The following PPM1H variants were observed in gnomAD, a reference collection of about 807,000 sequenced individuals.
PPM1H encodes the protein protein phosphatase, Mg2+/Mn2+ dependent 1H.
In PPM1H, 27 loss-of-function variants were observed where a neutral mutation model predicts 54.9. The ratio of observed to expected loss-of-function variants is 0.49; its 90% CI spans 0.36 to 0.68. The LOEUF is 0.68. Ranked by LOEUF, PPM1H falls within the 30% of genes least tolerant of loss-of-function variation. The pLI, the probability that PPM1H is intolerant of heterozygous loss-of-function variation, is 0.00. For synonymous variants in PPM1H, 305 were observed against 270.8 expected (o/e 1.13, Z -1.24); for missense variants, 596 against 667.8 (o/e 0.89, Z 1.19).
chr12:62,817,116 T>TAAAAAAAAAAAAAAAGAAAAA (rs2076870636), intron 2 of PPM1H, among the ~76,000 whole-genome samples: 6 of 41,786 alleles, frequency 1.4e-4, no homozygotes, highest in African/African-American at 4.9e-4. Flanking sequence ...ACTGCATTAC[T>TAAAAAAAAAAAAAAAGAAAAA]AAAAAAAAAA....
At chr12:62,715,358 AC>A (rs1711776771) in intron 6 of PPM1H, among the ~76,000 whole-genome samples, 2 of 151,230 alleles carry the variant, frequency 1.3e-5, no homozygotes, top group Admixed American at 1.3e-4. Context: ...GCAAGGGAAG[AC>A]TCCATCAGGA....
chr12:62,764,778 G>A (rs934989124), intron 4 of PPM1H, among the ~76,000 whole-genome samples: 14 of 152,200 alleles, frequency 9.2e-5, no homozygotes, highest in African/African-American at 3.4e-4. Context: ...AGTCAGGGAG[G>A]TCCAGGAGGG....
chr12:62,819,111 T>C (rs565689472), intron 2 of PPM1H, among the ~76,000 whole-genome samples: 78 of 127,598 alleles, frequency 6.1e-4, no homozygotes, highest in African/African-American at 2.2e-3. Flanking sequence ...CGTGAGCCAC[T>C]GCGCCGGCCA....
intron 7 of PPM1H, among the ~76,000 whole-genome samples, chr12:62,691,806 G>A (rs1420703371): frequency 8.8e-6 from 1 of 113,422 alleles, no homozygotes; most frequent in Non-Finnish European, 1.7e-5. Context: ...CTGATGCCAT[G>A]TCTCAAAAAA....
chr12:62,809,377 A>T (rs1346620150), intron 2 of PPM1H, among the ~76,000 whole-genome samples: 1 of 152,172 alleles, frequency 6.6e-6, no homozygotes, highest in East Asian at 1.9e-4. Context: ...GGATATGAGG[A>T]TTCTCCCTTC....
At chr12:62,742,910 A>G (rs1255933902) in intron 4 of PPM1H, among the ~76,000 whole-genome samples, 1 of 152,238 alleles carries the variant, frequency 6.6e-6, no homozygotes, top group Non-Finnish European at 1.5e-5. Flanking sequence ...TTTCCTTTAA[A>G]GACTACAGCT....
chr12:62,883,485 A>AG (rs1870467841), intron 1 of PPM1H, among the ~76,000 whole-genome samples: 2 of 152,216 alleles, frequency 1.3e-5, no homozygotes, highest in South Asian at 4.1e-4. Context: ...ACCTCAAAGC[A>AG]GGGCATGAAG....
At chr12:62,766,269 G>A (rs1449026099) in intron 4 of PPM1H, among the ~76,000 whole-genome samples, 1 of 152,088 alleles carries the variant, frequency 6.6e-6, no homozygotes, top group Non-Finnish European at 1.5e-5. Flanking sequence ...TGCTAGTTCT[G>A]GGCATCTTAA....
rs377170520 is a variant in PPM1H, at chr12:62,755,727, C to T, written c.870-18141G>A. Reference sequence around the variant, plus strand: ...TGGCCAAGGTTATCCATGACAACTCCGGTATCGTGGAAGGACTCATGAATG... The same window carrying T: ...TGGCCAAGGTTATCCATGACAACTCTGGTATCGTGGAAGGACTCATGAATG... On this transcript the variant is annotated intron_variant, in intron 4 of 9. Coordinates refer to ENST00000228705, the MANE Select transcript of PPM1H (RefSeq NM_020700.2). 50 of 720,614 alleles carry T rather than the reference C, an allele frequency of 6.9e-5. 1 individual carries two copies. The highest frequency in any genetic ancestry group is 3.4e-4 in the Middle Eastern group (1 of 2,964). The allele number at this position is 720,614 out of a possible 1,614,324, so 44.6% of individuals were successfully genotyped here. A position where few individuals can be genotyped will look rare whatever the true frequency, so the allele number is the denominator to read the frequency against.
chr12:62,703,024 T>C (rs1261618654), intron 6 of PPM1H, among the ~76,000 whole-genome samples: 1 of 152,190 alleles, frequency 6.6e-6, no homozygotes, highest in Admixed American at 6.5e-5. Context: ...AGGGCAAACA[T>C]GTCTGGGAAC....
intron 1 of PPM1H, among the ~76,000 whole-genome samples, chr12:62,862,617 G>T (rs1869641253): frequency 6.6e-6 from 1 of 152,172 alleles, no homozygotes; most frequent in Non-Finnish European, 1.5e-5. Context: ...TGAATTTGGT[G>T]TACAGCTTTA....
rs7958001 is a variant in PPM1H at position 62,891,822 on chromosome 12, C to T, written c.245+42670G>A. On this transcript the variant is annotated intron_variant, in intron 1 of 9. Transcript: ENST00000228705. The stretch of plus-strand genomic sequence containing the variant: ...CTGTTCAGATACACATCTGTGAAAG[C>T]GATCAAGAACCTATATACTGGGTGA... Among the ~76,000 whole-genome samples the T allele has an allele frequency of 4.6e-3, 695 of 152,268 alleles. 3 individuals carry two copies. Among genetic ancestry groups the T allele is most frequent in the African/African-American group, 0.015 (640 of 41,544 alleles).
chr12:62,891,944 G>A (rs1870812227), intron 1 of PPM1H, among the ~76,000 whole-genome samples: 1 of 152,114 alleles, frequency 6.6e-6, no homozygotes, highest in Non-Finnish European at 1.5e-5. Context: ...GTGCAGGCGT[G>A]TAGATAAACG....
At chr12:62,831,064 A>T (rs991253214) in intron 2 of PPM1H, among the ~76,000 whole-genome samples, 3 of 152,022 alleles carry the variant, frequency 2.0e-5, no homozygotes, top group Non-Finnish European at 4.4e-5. Flanking sequence ...CATGTTAGCC[A>T]GGATGGTCTG....
intron 1 of PPM1H, among the ~76,000 whole-genome samples, chr12:62,875,581 A>C (rs1311189405): frequency 6.6e-6 from 1 of 152,196 alleles, no homozygotes; most frequent in African/African-American, 2.4e-5. Flanking sequence ...CTATATAGCA[A>C]ATCAAGGATG....
At chr12:62,899,424 T>A (rs1388475249) in intron 1 of PPM1H, among the ~76,000 whole-genome samples, 2 of 151,904 alleles carry the variant, frequency 1.3e-5, no homozygotes, top group Non-Finnish European at 2.9e-5. Flanking sequence ...CTAAAAAAAA[T>A]TAAAAATTTA....
At chr12:62,897,973 A>G (rs1871047447) in intron 1 of PPM1H, among the ~76,000 whole-genome samples, 1 of 152,160 alleles carries the variant, frequency 6.6e-6, no homozygotes, top group African/African-American at 2.4e-5. Context: ...AGCAGGAAGG[A>G]CTGGACAAAG....
chr12:62,919,528 G>A (rs1871725939), intron 1 of PPM1H, among the ~76,000 whole-genome samples: 1 of 152,150 alleles, frequency 6.6e-6, no homozygotes, highest in Non-Finnish European at 1.5e-5. Flanking sequence ...AATGTTATCA[G>A]TTCAATATGA....
chr12:62,769,670 G>A (rs997550649), intron 4 of PPM1H, among the ~76,000 whole-genome samples: 1 of 152,186 alleles, frequency 6.6e-6, no homozygotes, highest in African/African-American at 2.4e-5. Flanking sequence ...CTGAGGGACT[G>A]TTGATGGGTG....
Sources: gnomAD v4.1 joint callset for allele counts (sites outside exome capture counted in the v4.1 genomes callset) on GRCh38, gnomAD v4.1.1 for gene constraint, MANE v1.5 for transcripts, NCBI Gene and HGNC (gene_info 2026-07-23, HGNC 2026-07-21) for gene names.